Variants in HIBADH observed in about 807,000 individuals in gnomAD.
HIBADH encodes 3-hydroxyisobutyrate dehydrogenase.
HIBADH carries 25 observed loss-of-function variants against 36.1 expected under a neutral mutation model. The ratio of observed to expected loss-of-function variants is 0.69; its 90% CI spans 0.50 to 0.97. The LOEUF is 0.97. Ranked by LOEUF, HIBADH falls within the 50% of genes least tolerant of loss-of-function variation. The pLI is 0.00. For synonymous variants in HIBADH, 160 were observed against 149.5 expected, an observed-to-expected ratio of 1.07 and a Z score of -0.51; for missense variants, 421 against 418.0, an observed-to-expected ratio of 1.01 and a Z score of -0.06.
intron 5 of HIBADH, among the ~76,000 whole-genome samples, chr7:27,542,471 G>A (rs1186540344): frequency 9.3e-6 from 1 of 108,066 alleles, no homozygotes; most frequent in Non-Finnish European, 1.7e-5. Flanking sequence ...TTTTGAGATA[G>A]GTTCTTGCTC....
intron 4 of HIBADH, among the ~76,000 whole-genome samples, chr7:27,567,639 G>T (rs1784566432): frequency 6.6e-6 from 1 of 151,948 alleles, no homozygotes; most frequent in Admixed American, 6.6e-5. Context: ...TTTGTATAGG[G>T]TGTGTGTGTG....
chr7:27,657,754 G>C (rs1050256759), intron 1 of HIBADH, among the ~76,000 whole-genome samples: 2 of 152,108 alleles, frequency 1.3e-5, no homozygotes, highest in Non-Finnish European at 2.9e-5. Flanking sequence ...AATTTTCTCT[G>C]AGTTGGGAAG....
intron 4 of HIBADH, among the ~76,000 whole-genome samples, chr7:27,625,329 C>T (rs17609417): frequency 0.029 from 4,434 of 152,196 alleles, 95 homozygotes; most frequent in Middle Eastern, 0.071. Context: ...AAGCCAGTGG[C>T]TCTAGTAACA....
intron 4 of HIBADH, among the ~76,000 whole-genome samples, chr7:27,550,012 A>G (rs1021690236): frequency 1.3e-5 from 2 of 152,112 alleles, no homozygotes; most frequent in Non-Finnish European, 2.9e-5. Flanking sequence ...GGTTCAAGCG[A>G]TTCTCCTGCC....
At chr7:27,526,418 G>T (rs1179119954) in intron 7 of HIBADH, 46 bp from the exon 8 acceptor site, 3 of 1,523,670 alleles carry the variant, frequency 2.0e-6, no homozygotes, top group South Asian at 1.3e-5. Flanking sequence ...GGTGGTAAAG[G>T]CTCTTTGGAA....
chr7:27,550,228 C>T (rs1251122391), intron 4 of HIBADH, among the ~76,000 whole-genome samples: 2 of 152,072 alleles, frequency 1.3e-5, no homozygotes, highest in African/African-American at 2.4e-5. Context: ...TATATAATCT[C>T]AAAGTTCCTC....
At chr7:27,589,868 A>C (rs954901104) in intron 4 of HIBADH, among the ~76,000 whole-genome samples, 1 of 152,186 alleles carries the variant, frequency 6.6e-6, no homozygotes, top group African/African-American at 2.4e-5. Context: ...TGGAGTCCTG[A>C]ATCCAAATCC....
chr7:27,541,215 A>AT (rs373682076), intron 5 of HIBADH, among the ~76,000 whole-genome samples: 1 of 147,260 alleles, frequency 6.8e-6, no homozygotes, highest in Non-Finnish European at 1.5e-5. Flanking sequence ...CTCTTCAATG[A>AT]TTTTTTCTTA....
intron 6 of HIBADH, among the ~76,000 whole-genome samples, chr7:27,535,702 C>G (rs752654950): frequency 6.6e-6 from 1 of 151,532 alleles, no homozygotes; most frequent in Non-Finnish European, 1.5e-5. Context: ...GCAGAAAGGT[C>G]TAATAAAAAA....
chr7:27,584,946 T>C (rs1784837259), intron 4 of HIBADH, among the ~76,000 whole-genome samples: 1 of 151,952 alleles, frequency 6.6e-6, no homozygotes, highest in Non-Finnish European at 1.5e-5. Context: ...CCATGGAGGG[T>C]ACACTGAGAA....
At chr7:27,554,594 G>C (rs1421520027) in intron 4 of HIBADH, among the ~76,000 whole-genome samples, 1 of 152,120 alleles carries the variant, frequency 6.6e-6, no homozygotes, top group African/African-American at 2.4e-5. Context: ...ATAATCATGT[G>C]CCCTCTATTT....
chr7:27,643,296 CA>C (rs1785995633), intron 2 of HIBADH, among the ~76,000 whole-genome samples: 1 of 151,976 alleles, frequency 6.6e-6, no homozygotes, highest in African/African-American at 2.4e-5. Context: ...CTTTTCTTCA[CA>C]AAAAAGGAGA....
At chr7:27,538,747 T>G (rs1784104526) in intron 5 of HIBADH, among the ~76,000 whole-genome samples, 1 of 151,974 alleles carries the variant, frequency 6.6e-6, no homozygotes, top group South Asian at 2.1e-4. Flanking sequence ...ATGGGAGTAA[T>G]ATGCTGTATG....
At chr7:27,551,327 A>C (rs940684298) in intron 4 of HIBADH, among the ~76,000 whole-genome samples, 3 of 152,202 alleles carry the variant, frequency 2.0e-5, no homozygotes. Flanking sequence ...ACAAGTTATA[A>C]CACCTCTCAA....
chr7:27,597,136 TAA>T (rs1162755642), intron 4 of HIBADH, among the ~76,000 whole-genome samples: 2 of 151,988 alleles, frequency 1.3e-5, no homozygotes, highest in African/African-American at 2.4e-5. Flanking sequence ...AGAAAGATTT[TAA>T]AAAGAGACAG....
chr7:27,577,458 T>C (rs1169299147), intron 4 of HIBADH, among the ~76,000 whole-genome samples: 2 of 152,210 alleles, frequency 1.3e-5, no homozygotes, highest in African/African-American at 4.8e-5. Flanking sequence ...CCACTGTGCC[T>C]GGCCAAGCAT....
intron 4 of HIBADH, among the ~76,000 whole-genome samples, chr7:27,618,201 A>G (rs1411140977): frequency 6.6e-6 from 1 of 152,168 alleles, no homozygotes; most frequent in African/African-American, 2.4e-5. Context: ...CTATCACCGG[A>G]GGCTGGGCCA....
intron 4 of HIBADH, among the ~76,000 whole-genome samples, chr7:27,553,821 G>C (rs181658909): frequency 6.6e-6 from 1 of 152,110 alleles, no homozygotes; most frequent in South Asian, 2.1e-4. Flanking sequence ...TGCAAATAAC[G>C]TATCTTTCAG....
At chr7:27,603,203 T>G (rs1309727127) in intron 4 of HIBADH, among the ~76,000 whole-genome samples, 1 of 152,194 alleles carries the variant, frequency 6.6e-6, no homozygotes, top group Non-Finnish European at 1.5e-5. Flanking sequence ...AGTTAATATC[T>G]CTTCTTTTTT....
Sources: allele counts gnomAD v4.1 joint callset (sites outside exome capture counted in the v4.1 genomes callset), GRCh38; gene constraint gnomAD v4.1.1; transcripts MANE v1.5; gene names NCBI Gene and HGNC (gene_info 2026-07-23, HGNC 2026-07-21).